The following COX7B2 variants were observed in gnomAD, a reference collection of about 807,000 sequenced individuals.
COX7B2 encodes cytochrome c oxidase subunit 7B2.
For missense variants in COX7B2, 109 were observed against 95.9 expected (o/e 1.14, Z -0.57); for synonymous variants, 37 against 32.1 (o/e 1.15, Z -0.51).
chr4:46,841,899 C>A (rs1471631802), intron 2 of COX7B2, among the ~76,000 whole-genome samples: 1 of 151,892 alleles, frequency 6.6e-6, no homozygotes, highest in Admixed American at 6.6e-5. Flanking sequence ...GAAAATGATA[C>A]AAGCTTCACA....
At chr4:46,805,490 T>G (rs1718950734) in intron 2 of COX7B2, among the ~76,000 whole-genome samples, 1 of 152,252 alleles carries the variant, frequency 6.6e-6, no homozygotes, top group Admixed American at 6.5e-5. Context: ...GTTACAATCC[T>G]GCAAGGTAAA....
intron 1 of COX7B2, among the ~76,000 whole-genome samples, chr4:46,886,094 C>T (rs529226872): frequency 6.6e-6 from 1 of 152,214 alleles, no homozygotes; most frequent in East Asian, 1.9e-4. Flanking sequence ...TCTGTACTTG[C>T]CCCAATGCCC....
At chr4:46,861,464 T>A (rs1286613734) in intron 1 of COX7B2, among the ~76,000 whole-genome samples, 5 of 152,112 alleles carry the variant, frequency 3.3e-5, no homozygotes, top group African/African-American at 1.2e-4. Context: ...ATGGTAAGCA[T>A]CCAGAAGGAC....
intron 2 of COX7B2, among the ~76,000 whole-genome samples, chr4:46,822,489 T>C (rs1714371105): frequency 6.6e-6 from 1 of 152,124 alleles, no homozygotes; most frequent in South Asian, 2.1e-4. Context: ...ATGACCTGGA[T>C]GAATGTTTGC....
In COX7B2 at chr4:46,790,975, T is replaced by G. The variant is rs1288924231; in HGVS notation, c.-50+53985A>C. 2.6e-5 allele frequency among the ~76,000 whole-genome samples: 4 copies of G among 152,182 alleles called. No homozygotes were observed. The East Asian group carries it at 5.8e-4, about 22-fold the overall frequency. On this transcript the variant is annotated intron_variant, in intron 2 of 2. Transcript: ENST00000355591. Reference sequence around the variant, plus strand: ...CCTCAGCTAATGCCTGAAGTCCTAATATTATGTAACAGTAACCCAGATTTT... The same window carrying G: ...CCTCAGCTAATGCCTGAAGTCCTAAGATTATGTAACAGTAACCCAGATTTT...
At chr4:46,842,383 G>T (rs567915356) in intron 2 of COX7B2, among the ~76,000 whole-genome samples, 1 of 151,936 alleles carries the variant, frequency 6.6e-6, no homozygotes. Flanking sequence ...TAGCACAGTG[G>T]TTGTGAGCTC....
intron 2 of COX7B2, among the ~76,000 whole-genome samples, chr4:46,750,307 T>C (rs1177562112): frequency 6.6e-6 from 1 of 150,730 alleles, no homozygotes; most frequent in African/African-American, 2.4e-5. Flanking sequence ...GGTGGAAGGA[T>C]TGCTTGAGCC....
chr4:46,819,412 T>C (rs1027712534), intron 2 of COX7B2, among the ~76,000 whole-genome samples: 4 of 152,044 alleles, frequency 2.6e-5, no homozygotes, highest in African/African-American at 9.7e-5. Flanking sequence ...AGACAACAAT[T>C]ACAAACCATG....
chr4:46,780,937 A>G (rs949393235), intron 2 of COX7B2, among the ~76,000 whole-genome samples: 2 of 152,238 alleles, frequency 1.3e-5, no homozygotes, highest in Non-Finnish European at 2.9e-5. Flanking sequence ...TTCACAAATC[A>G]TTAACATTTA....
intron 1 of COX7B2, among the ~76,000 whole-genome samples, chr4:46,858,769 T>C (rs1354067108): frequency 2.0e-5 from 3 of 152,150 alleles, no homozygotes; most frequent in African/African-American, 7.2e-5. Context: ...AGTCACAGCC[T>C]TAGACTTCAG....
Position 46,750,207 on chromosome 4 carries a change from C to CACACAA in COX7B2, c.-49-14967_-49-14966insTTGTGT, listed in dbSNP as rs1369489142. ...GAGATCCCATCTCTACACACACACA[C>CACACAA]ACACACACACACACACACACACACA... On this transcript the variant is annotated intron_variant, in intron 2 of 2. Coordinates refer to ENST00000355591, the MANE Select transcript of COX7B2 (RefSeq NM_130902.3). 2.4e-3 allele frequency among the ~76,000 whole-genome samples: 346 copies of CACACAA among 145,252 alleles called. 2 individuals are homozygous for CACACAA. The highest frequency in any genetic ancestry group is 8.4e-3 in the African/African-American group (325 of 38,520).
At chr4:46,851,000 A>T (rs1255041103) in intron 1 of COX7B2, among the ~76,000 whole-genome samples, 1 of 152,088 alleles carries the variant, frequency 6.6e-6, no homozygotes, top group African/African-American at 2.4e-5. Flanking sequence ...AATACCAAGA[A>T]CATGAAGCAG....
At chr4:46,788,707 G>A (rs1306951476) in intron 2 of COX7B2, among the ~76,000 whole-genome samples, 1 of 152,144 alleles carries the variant, frequency 6.6e-6, no homozygotes, top group African/African-American at 2.4e-5. Context: ...GACACAAAAT[G>A]AGGATAATGA....
chr4:46,805,289 C>T (rs1330242632), intron 2 of COX7B2, among the ~76,000 whole-genome samples: 1 of 152,226 alleles, frequency 6.6e-6, no homozygotes, highest in African/African-American at 2.4e-5. Flanking sequence ...GAGTGGGCAT[C>T]AAGGCCGAGG....
intron 2 of COX7B2, among the ~76,000 whole-genome samples, chr4:46,751,361 T>C (rs560950314): frequency 1.3e-5 from 2 of 152,228 alleles, no homozygotes; most frequent in African/African-American, 2.4e-5. Flanking sequence ...ATGTTATTTG[T>C]TGAATGTTTA....
chr4:46,750,194 CT>C (rs1337026542), intron 2 of COX7B2, among the ~76,000 whole-genome samples: 160 of 51,624 alleles, frequency 3.1e-3, no homozygotes, highest in Non-Finnish European at 6.0e-3. Flanking sequence ...GATCCCATCT[CT>C]ACACACACAC....
At chr4:46,804,653 G>A (rs1261624729) in intron 2 of COX7B2, among the ~76,000 whole-genome samples, 1 of 152,236 alleles carries the variant, frequency 6.6e-6, no homozygotes, top group African/African-American at 2.4e-5. Context: ...GCTGCTTGGT[G>A]TGTTTACAAA....
At chr4:46,792,368 G>A (rs182574295) in intron 2 of COX7B2, among the ~76,000 whole-genome samples, 1 of 152,112 alleles carries the variant, frequency 6.6e-6, no homozygotes, top group African/African-American at 2.4e-5. Context: ...TTTCTGGAAG[G>A]GATTACACTA....
chr4:46,865,197 A>G (rs542668793), intron 1 of COX7B2, among the ~76,000 whole-genome samples: 4 of 152,080 alleles, frequency 2.6e-5, no homozygotes, highest in Non-Finnish European at 5.9e-5. Flanking sequence ...GTGAGAACAT[A>G]TATTTTTTGG....
Sources: allele counts gnomAD v4.1 joint callset (sites outside exome capture counted in the v4.1 genomes callset), GRCh38; gene constraint gnomAD v4.1.1; transcripts MANE v1.5; gene names NCBI Gene and HGNC (gene_info 2026-07-23, HGNC 2026-07-21).